The following IL1RAPL2 variants were observed in gnomAD, a reference collection of about 807,000 sequenced individuals.
IL1RAPL2 encodes X-linked interleukin-1 receptor accessory protein-like 2.
In IL1RAPL2, 3 loss-of-function variants were observed where a neutral mutation model predicts 44.1. The ratio of observed to expected loss-of-function variants is 0.07; its 90% CI spans 0.03 to 0.18. IL1RAPL2 has a LOEUF of 0.18. Among genes scored for constraint, IL1RAPL2 ranks in the 10% least tolerant of loss-of-function variants. IL1RAPL2 has a pLI of 1.00. For synonymous variants in IL1RAPL2, 181 were observed against 178.8 expected, an observed-to-expected ratio of 1.01 and a Z score of -0.10; for missense variants, 391 against 496.4, an observed-to-expected ratio of 0.79 and a Z score of 2.02.
chrX:105,740,738 A>G (rs372487649), intron 8 of IL1RAPL2, 47 bp downstream of exon 8: 5 of 1,086,594 alleles, frequency 4.6e-6, no homozygotes, highest in Non-Finnish European at 6.3e-6. Flanking sequence ...GCTATCAACA[A>G]CTATTGAAGT....
intron 6 of IL1RAPL2, among the ~76,000 whole-genome samples, chrX:105,640,926 A>G (rs1345869530): frequency 9.3e-6 from 1 of 108,097 alleles, no homozygotes; most frequent in African/African-American, 3.3e-5. Flanking sequence ...GACAACTGCA[A>G]CAAAGCCAGT....
chrX:104,816,319 A>G (rs5962446), intron 2 of IL1RAPL2, among the ~76,000 whole-genome samples: 1,122 of 111,838 alleles, frequency 0.01, 15 homozygotes, highest in African/African-American at 0.036. Context: ...GTGACTAGAT[A>G]TATGCAAGGT....
intron 2 of IL1RAPL2, among the ~76,000 whole-genome samples, chrX:104,756,478 T>C (rs1415276177): frequency 9.0e-6 from 1 of 111,057 alleles, no homozygotes; most frequent in Non-Finnish European, 1.9e-5. Flanking sequence ...TCCCAGCAAA[T>C]GCCCAGTTGA....
At chrX:105,352,804 T>G (rs756347555) in intron 5 of IL1RAPL2, among the ~76,000 whole-genome samples, 12 of 110,441 alleles carry the variant, frequency 1.1e-4, no homozygotes, top group Admixed American at 4.9e-4. Context: ...TAAATTTGTT[T>G]GAGTTCATTG....
intron 2 of IL1RAPL2, among the ~76,000 whole-genome samples, chrX:105,013,839 A>G (rs2031113013): frequency 8.9e-6 from 1 of 111,930 alleles, no homozygotes; most frequent in African/African-American, 3.2e-5. Flanking sequence ...TTTATAGCAT[A>G]TAATCAGTGG....
intron 2 of IL1RAPL2, among the ~76,000 whole-genome samples, chrX:105,156,822 C>A (rs1352494591): frequency 9.0e-6 from 1 of 111,432 alleles, no homozygotes; most frequent in Admixed American, 9.6e-5. Context: ...TTATTCGTAT[C>A]TGATCAGAAT....
At chrX:105,541,713 G>A (rs1205336003) in intron 6 of IL1RAPL2, among the ~76,000 whole-genome samples, 2 of 110,746 alleles carry the variant, frequency 1.8e-5, no homozygotes, top group African/African-American at 3.3e-5. Context: ...TTGCCTGGAC[G>A]ATTAAACAAC....
At chrX:105,576,904 G>A (rs1319485252) in intron 6 of IL1RAPL2, among the ~76,000 whole-genome samples, 1 of 111,625 alleles carries the variant, frequency 9.0e-6, no homozygotes, top group Non-Finnish European at 1.9e-5. Flanking sequence ...CATAAAGTTT[G>A]CACTTTTTTC....
intron 3 of IL1RAPL2, among the ~76,000 whole-genome samples, chrX:105,216,521 C>G (rs2033859663): frequency 9.0e-6 from 1 of 111,028 alleles, no homozygotes; most frequent in Non-Finnish European, 1.9e-5. Context: ...GGCCATACTG[C>G]CCAAAGTAAT....
chrX:105,159,936 G>C (rs1471724441), intron 2 of IL1RAPL2, among the ~76,000 whole-genome samples: 4 of 108,644 alleles, frequency 3.7e-5, no homozygotes, highest in African/African-American at 1.4e-4. Flanking sequence ...TGGGTTAAGT[G>C]ACTTGCGGTT....
At chrX:104,860,704 A>C (rs1039386217) in intron 2 of IL1RAPL2, among the ~76,000 whole-genome samples, 8 of 111,089 alleles carry the variant, frequency 7.2e-5, no homozygotes, top group African/African-American at 2.6e-4. Context: ...CACTGAAAAA[A>C]ATTTTTGGAA....
intron 1 of IL1RAPL2, among the ~76,000 whole-genome samples, chrX:104,576,753 G>T (rs1928251097): frequency 9.0e-6 from 1 of 111,297 alleles, no homozygotes; most frequent in Admixed American, 9.6e-5. Context: ...TCTGATTCTA[G>T]ACTCATTATC....
At chrX:105,192,901 A>G (rs782056364) in intron 2 of IL1RAPL2, among the ~76,000 whole-genome samples, 8 of 112,490 alleles carry the variant, frequency 7.1e-5, no homozygotes, top group Non-Finnish European at 1.1e-4. Context: ...AAAAGAGACC[A>G]TAAATCTATT....
chrX:105,367,016 G>A (rs2035299857), intron 5 of IL1RAPL2, among the ~76,000 whole-genome samples: 1 of 111,092 alleles, frequency 9.0e-6, no homozygotes, highest in South Asian at 3.7e-4. Context: ...CCCTGATGTT[G>A]GACATATATA....
intron 2 of IL1RAPL2, among the ~76,000 whole-genome samples, chrX:105,085,533 A>G (rs1422081305): frequency 8.9e-6 from 1 of 112,592 alleles, no homozygotes; most frequent in Non-Finnish European, 1.9e-5. Context: ...AATGTTGGCA[A>G]GGGTGTACAG....
chrX:105,014,964 T>A, intron 2 of IL1RAPL2, among the ~76,000 whole-genome samples: 1 of 111,973 alleles, frequency 8.9e-6, no homozygotes, highest in Non-Finnish European at 1.9e-5. Flanking sequence ...CTCCACATCC[T>A]CTCTAGCATC....
At chrX:104,740,214 A>C (rs1166420323) in intron 2 of IL1RAPL2, among the ~76,000 whole-genome samples, 1 of 111,144 alleles carries the variant, frequency 9.0e-6, no homozygotes. Flanking sequence ...GTTCTAGTAC[A>C]TGGTTTCAGG....
intron 5 of IL1RAPL2, among the ~76,000 whole-genome samples, chrX:105,351,007 A>G (rs113503370): frequency 0.13 from 14,519 of 111,767 alleles, 2,303 homozygotes; most frequent in African/African-American, 0.45. Context: ...TATGCAGCCA[A>G]CAAACATATG....
chrX:105,539,944 G>A (rs2036707735), intron 6 of IL1RAPL2, among the ~76,000 whole-genome samples: 1 of 111,214 alleles, frequency 9.0e-6, no homozygotes, highest in Non-Finnish European at 1.9e-5. Flanking sequence ...AATCATTAGA[G>A]AAATGCAAAT....
Sources: gnomAD v4.1 joint callset for allele counts (sites outside exome capture counted in the v4.1 genomes callset) on GRCh38, gnomAD v4.1.1 for gene constraint, MANE v1.5 for transcripts, NCBI Gene and HGNC (gene_info 2026-07-23, HGNC 2026-07-21) for gene names.